TBC1D31: variants seen among roughly 807,000 people sequenced by gnomAD.
TBC1D31 encodes the protein TBC1 domain family member 31, also known as WD repeat domain 67.
TBC1D31 carries 99 observed loss-of-function variants against 132.9 expected under a neutral mutation model. The ratio of observed to expected loss-of-function variants is 0.74; its 90% CI spans 0.63 to 0.88. The LOEUF (loss-of-function observed/expected upper bound fraction) is 0.88, where lower values mean the gene tolerates loss of function less well. Ranked by LOEUF, TBC1D31 falls within the 40% of genes least tolerant of loss-of-function variation. The pLI is 0.00. For missense variants in TBC1D31, 1,134 were observed against 1,256.6 expected (o/e 0.90, Z 1.48); for synonymous variants, 385 against 419.4 (o/e 0.92, Z 1.00).
At chr8:123,157,273 C>T in the TBC1D31 span, among the ~76,000 whole-genome samples, 1 of 152,210 alleles carries the variant, frequency 6.6e-6, no homozygotes, top group Non-Finnish European at 1.5e-5. Context: ...GATTATGAGA[C>T]TGACGCGCTA....
rs768246273 is a variant in TBC1D31 at position 123,128,280 on chromosome 8, GT to G, written c.1893del (p.His632ThrfsTer8). 115 of 1,505,052 alleles carry G rather than the reference GT, an allele frequency of 7.6e-5. No homozygotes were observed. Among genetic ancestry groups the G allele is most frequent in the Middle Eastern group, 1.7e-4 (1 of 5,786 alleles). 93.2% of individuals were successfully genotyped at this position (1,505,052 alleles called of 1,614,324 possible). On this transcript the variant is annotated frameshift_variant and splice_region_variant, in exon 14 of 22. Coordinates refer to ENST00000287380, the MANE Select transcript of TBC1D31 (RefSeq NM_145647.4). LOFTEE classifies it high-confidence loss of function. Reference sequence around the variant, plus strand: ...GATTTAAACACCAAGTTTTCTTACAGTTTTTTTTTCACCATCGGAATAACCT... The same window carrying G: ...GATTTAAACACCAAGTTTTCTTACAGTTTTTTTTCACCATCGGAATAACCT... Reference protein sequence around the residue: ...LSCNLKDDFEFFFHHRNNLDI... With the variant: ...LSCNLKDDFEXFFHHRNNLDI...
At chr8:123,152,412 A>G (rs1165467706), downstream of TBC1D31, among the ~76,000 whole-genome samples, 3 of 151,950 alleles carry the variant, frequency 2.0e-5, no homozygotes, top group South Asian at 2.1e-4. Flanking sequence ...GACTTGTAAC[A>G]TCTCATCTCT....
intron 16 of TBC1D31, among the ~76,000 whole-genome samples, chr8:123,133,196 A>G (rs1333791690): frequency 1.3e-5 from 2 of 152,238 alleles, no homozygotes; most frequent in African/African-American, 4.8e-5. Context: ...TTGCTGTGGC[A>G]CATAGCTGTT....
At chr8:123,089,758 A>T (rs570328140) in intron 4 of TBC1D31, among the ~76,000 whole-genome samples, 54 of 152,372 alleles carry the variant, frequency 3.5e-4, no homozygotes, top group African/African-American at 1.3e-3. Flanking sequence ...GTTACATTAT[A>T]TTAACAATTC....
chr8:123,126,189 G>C lies in TBC1D31; in HGVS notation c.1704G>C (p.Gln568His), dbSNP rs766389804. The stretch of plus-strand genomic sequence containing the variant: ...TCATAGATCATGATATAACCTCCCA[G>C]GTAAGAAGCATAAGGTTTTTAGAAT... ...QHFIDHDITS[Q>H]LYAWPLLETV... Residue 568 changes from glutamine to histidine, a missense_variant and splice_region_variant, in exon 12 of 22, where the codon CAG (glutamine) becomes CAC (histidine). Gln to His is a conservative substitution (Grantham distance 24, BLOSUM62 0). Coordinates refer to ENST00000287380, the MANE Select transcript of TBC1D31 (RefSeq NM_145647.4). 2.1e-5 allele frequency: 33 copies of C among 1,603,934 alleles called. No individual in the cohort carries two copies. Among genetic ancestry groups the C allele is most frequent in the Non-Finnish European group, 2.7e-5 (32 of 1,176,854 alleles).
At chr8:123,126,247 C>G in intron 12 of TBC1D31, 58 bp downstream of exon 12, 1 of 1,536,438 alleles carries the variant, frequency 6.5e-7, no homozygotes, top group Non-Finnish European at 8.8e-7. Context: ...AACATTGGTT[C>G]TGGTATAAAC....
rs779529831 is a variant in TBC1D31 at position 123,105,404 on chromosome 8, A to G, written c.1149A>G (p.Glu383=). Residue 383 remains glutamate (E), a synonymous_variant, in exon 8 of 22, where the codon GAA becomes GAG. Coordinates refer to ENST00000287380, the MANE Select transcript of TBC1D31 (RefSeq NM_145647.4). ...TACAGCAGCCAGCAAAATCTAGGGAAAGCAAAATGCAAACTAGAATATTAA... is the reference window on the plus strand; with the variant it reads ...TACAGCAGCCAGCAAAATCTAGGGAGAGCAAAATGCAAACTAGAATATTAA... ...GRVQQPAKSR[E]SKMQTRILKQ... is the part of the protein sequence containing the mutation. 2.5e-6 allele frequency: 4 copies of G among 1,613,326 alleles called. No homozygotes were observed. Among genetic ancestry groups the G allele is most frequent in the South Asian group, 2.2e-5 (2 of 90,918 alleles).
At chr8:123,075,651 C>T (rs768101927) in intron 1 of TBC1D31, among the ~76,000 whole-genome samples, 1 of 151,188 alleles carries the variant, frequency 6.6e-6, no homozygotes, top group Non-Finnish European at 1.5e-5. Flanking sequence ...TGCAGTGAGC[C>T]GAGATTGCAC....
chr8:123,112,536 G>A (rs1818549232), intron 10 of TBC1D31, among the ~76,000 whole-genome samples: 1 of 152,002 alleles, frequency 6.6e-6, no homozygotes, highest in Non-Finnish European at 1.5e-5. Context: ...AACGTATTTT[G>A]GATATCATTT....
intron 3 of TBC1D31, chr8:123,083,122 A>G (rs535281439): frequency 1.0e-5 from 2 of 200,722 alleles, no homozygotes; most frequent in Admixed American, 5.7e-5. Flanking sequence ...TAGCCAAAGG[A>G]AGAGAAACAT....
chr8:123,144,173 A>C (rs981665643), intron 19 of TBC1D31, among the ~76,000 whole-genome samples: 1 of 152,210 alleles, frequency 6.6e-6, no homozygotes, highest in Non-Finnish European at 1.5e-5. Flanking sequence ...GGCAAACTTT[A>C]GGAGTTGGAT....
chr8:123,077,325 G>T, intron 2 of TBC1D31, 68 bp downstream of exon 2: 1 of 1,395,254 alleles, frequency 7.2e-7, no homozygotes, highest in Non-Finnish European at 9.7e-7. Flanking sequence ...TTTCGTACCT[G>T]CTATTCATTA....
chr8:123,150,996 T>G (rs555578646), intron 21 of TBC1D31, among the ~76,000 whole-genome samples: 64 of 152,346 alleles, frequency 4.2e-4, no homozygotes, highest in Non-Finnish European at 8.4e-4. Flanking sequence ...GATTCCAGTA[T>G]TGTGTAAAAT....
intron 5 of TBC1D31, among the ~76,000 whole-genome samples, chr8:123,096,473 G>A (rs540976090): frequency 6.6e-6 from 1 of 152,304 alleles, no homozygotes; most frequent in South Asian, 2.1e-4. Flanking sequence ...GCCTATTTGT[G>A]TCATTCAGGT....
chr8:123,126,584 A>G lies in TBC1D31; in HGVS notation c.1781A>G (p.Asn594Ser). The part of the protein sequence containing the change: ...TREEWLKLFD[N>S]IFSNHPSFLL... Reference sequence around the variant, plus strand: ...GAGGAGTGGCTGAAATTGTTCGATAATATCTTTTCCAACCATCCTTCCTTC... The same window carrying G: ...GAGGAGTGGCTGAAATTGTTCGATAGTATCTTTTCCAACCATCCTTCCTTC... The change falls in exon 13 of 22, where the codon AAT becomes AGT. Residue 594 changes from asparagine (N) to serine (S), a missense_variant. Coordinates refer to ENST00000287380, the MANE Select transcript of TBC1D31 (RefSeq NM_145647.4). 1 of 1,614,068 alleles carries G rather than the reference A, an allele frequency of 6.2e-7. No individual in the cohort carries two copies. The highest frequency in any genetic ancestry group is 1.1e-5 in the South Asian group (1 of 91,060).
At chr8:123,128,010 T>A (rs1260979447) in intron 13 of TBC1D31, 1 of 240,810 alleles carries the variant, frequency 4.2e-6, no homozygotes, top group Admixed American at 5.5e-5. Context: ...CCAAGCAGAG[T>A]TTGTTCCATT....
At chr8:123,151,775 GC>G (rs750692633) in intron 21 of TBC1D31, 30 bp from the exon 22 acceptor site, 1 of 1,538,194 alleles carries the variant, frequency 6.5e-7, no homozygotes, top group South Asian at 1.3e-5. Context: ...AGAAAACTCA[GC>G]TTTTCTAAAT....
At position 123,140,806 on chromosome 8, in the gene TBC1D31, G is replaced by T; in HGVS notation, c.2545G>T (p.Asp849Tyr). ...QEALAKEMRA[D>Y]ADAYRRKVDL... is the part of the protein sequence containing the mutation. ...AGCTCTTGCAAAAGAAATGCGAGCA[G>T]ATGCAGATGCCTATAGACGAAAAGT... Residue 849 changes from aspartate (D) to tyrosine (Y), a missense_variant, in exon 18 of 22, where the codon GAT (aspartate) becomes TAT (tyrosine). Asp to Tyr is a radical substitution (Grantham distance 160). Coordinates refer to ENST00000287380, the MANE Select transcript of TBC1D31 (RefSeq NM_145647.4). 1 of 1,612,564 alleles carries T rather than the reference G, an allele frequency of 6.2e-7. No individual in the cohort carries two copies. Among genetic ancestry groups the T allele is most frequent in the Non-Finnish European group, 8.5e-7 (1 of 1,179,462 alleles).
At chr8:123,131,499 A>G (rs1820625036) in intron 16 of TBC1D31, among the ~76,000 whole-genome samples, 1 of 152,058 alleles carries the variant, frequency 6.6e-6, no homozygotes, top group African/African-American at 2.4e-5. Flanking sequence ...TGTTTTTGTA[A>G]CCTGCTTTTT....
Sources: gnomAD v4.1 joint callset for allele counts (sites outside exome capture counted in the v4.1 genomes callset) on GRCh38, gnomAD v4.1.1 for gene constraint, MANE v1.5 for transcripts, NCBI Gene and HGNC (gene_info 2026-07-23, HGNC 2026-07-21) for gene names.